DLGAP2: variants seen among roughly 807,000 people sequenced by gnomAD.
DLGAP2 encodes DLG associated protein 2, also known as disks large-associated protein 2.
DLGAP2 carries 26 observed loss-of-function variants against 100.3 expected under a neutral mutation model. The observed-to-expected ratio is 0.26, with a 90% CI of 0.19 to 0.36. The LOEUF is 0.36. Among genes scored for constraint, DLGAP2 ranks in the 10% least tolerant of loss-of-function variants. DLGAP2 has a pLI of 1.00. For missense variants in DLGAP2, 1,858 were observed against 1,453.2 expected, an observed-to-expected ratio of 1.28 and a Z score of -4.53; for synonymous variants, 886 against 630.1, an observed-to-expected ratio of 1.41 and a Z score of -6.08.
At position 1,457,845 on chromosome 8, in the gene DLGAP2, ACTT is replaced by A. The variant is rs1490307318; in HGVS notation, c.107-43520_107-43518del. 2.6e-5 allele frequency among the ~76,000 whole-genome samples: 4 copies of A among 151,548 alleles called. No individual in the cohort carries two copies. The East Asian group carries it at 7.8e-4, about 29-fold the overall frequency. On this transcript the variant is annotated intron_variant, in intron 3 of 14. Coordinates refer to ENST00000637795, the MANE Select transcript of DLGAP2 (RefSeq NM_001346810.2). ...TGTCTGCAGAGTCACGCAACTCACT[ACTT>A]GTCATTTTCTTTGTTAATTCTATTT...
chr8:1,490,049 AC>A (rs1799335755), intron 3 of DLGAP2, among the ~76,000 whole-genome samples: 3 of 150,180 alleles, frequency 2.0e-5, no homozygotes, highest in Non-Finnish European at 4.4e-5. Flanking sequence ...CTGCCACCGC[AC>A]CCGGCTATTT....
chr8:742,756 C>A (rs573909907), intron 1 of DLGAP2, among the ~76,000 whole-genome samples: 60 of 152,198 alleles, frequency 3.9e-4, no homozygotes, highest in African/African-American at 1.3e-3. Context: ...AATCCTCCTG[C>A]CCTGGCCTCC....
At chr8:914,729 C>T (rs907304959) in intron 2 of DLGAP2, among the ~76,000 whole-genome samples, 3 of 152,232 alleles carry the variant, frequency 2.0e-5, no homozygotes, top group African/African-American at 7.2e-5. Context: ...AATGTGGAGA[C>T]ATAAAGAAGT....
At chr8:1,271,870 A>G (rs1799590427) in intron 3 of DLGAP2, among the ~76,000 whole-genome samples, 1 of 152,184 alleles carries the variant, frequency 6.6e-6, no homozygotes, top group Non-Finnish European at 1.5e-5. Flanking sequence ...GCTGGAGTTC[A>G]GTGGTGCAAC....
intron 2 of DLGAP2, among the ~76,000 whole-genome samples, chr8:1,251,767 C>G (rs1799045746): frequency 6.6e-6 from 1 of 152,230 alleles, no homozygotes; most frequent in African/African-American, 2.4e-5. Flanking sequence ...ACGTTGTCAT[C>G]TTGTCCTAGG....
intron 6 of DLGAP2, among the ~76,000 whole-genome samples, chr8:1,617,568 T>C (rs542350620): frequency 2.3e-4 from 35 of 152,304 alleles, no homozygotes; most frequent in African/African-American, 7.9e-4. Flanking sequence ...ACATTGTTTT[T>C]TGCTTGCAAA....
intron 1 of DLGAP2, among the ~76,000 whole-genome samples, chr8:755,803 A>C (rs1820904478): frequency 6.6e-6 from 1 of 152,210 alleles, no homozygotes; most frequent in Non-Finnish European, 1.5e-5. Flanking sequence ...TGAAAGAGCA[A>C]AGTGCTGGGT....
intron 8 of DLGAP2, among the ~76,000 whole-genome samples, chr8:1,665,856 C>T (rs1049373624): frequency 6.6e-6 from 1 of 152,244 alleles, no homozygotes; most frequent in African/African-American, 2.4e-5. Context: ...GCCGCCTACT[C>T]TCCAGGGCTG....
At chr8:743,372 C>G (rs984122232) in intron 1 of DLGAP2, among the ~76,000 whole-genome samples, 1 of 152,154 alleles carries the variant, frequency 6.6e-6, no homozygotes, top group African/African-American at 2.4e-5. Context: ...TAAATTTTCT[C>G]TGGCACTAAC....
chr8:1,345,441 T>G (rs1801533480), intron 3 of DLGAP2, among the ~76,000 whole-genome samples: 1 of 152,252 alleles, frequency 6.6e-6, no homozygotes, highest in Non-Finnish European at 1.5e-5. Context: ...ACTACGTCTA[T>G]GACAAAATAA....
intron 3 of DLGAP2, among the ~76,000 whole-genome samples, chr8:1,428,415 TGAGAGA>T (rs924744043): frequency 6.6e-6 from 1 of 150,610 alleles, no homozygotes; most frequent in Non-Finnish European, 1.5e-5. Context: ...TCTCTTTCCT[TGAGAGA>T]GAGAGAGAGA....
intron 2 of DLGAP2, among the ~76,000 whole-genome samples, chr8:1,238,460 G>C (rs1241650192): frequency 1.6e-5 from 2 of 125,684 alleles, no homozygotes; most frequent in African/African-American, 2.9e-5. Flanking sequence ...GCCGTGTCTA[G>C]TTCTCTCACA....
intron 3 of DLGAP2, among the ~76,000 whole-genome samples, chr8:1,488,823 A>C (rs1375154935): frequency 6.6e-6 from 1 of 152,146 alleles, no homozygotes; most frequent in African/African-American, 2.4e-5. Context: ...ATGTCCAGAG[A>C]TCACCCCAGG....
At chr8:943,411 T>C (rs1005891946) in intron 2 of DLGAP2, among the ~76,000 whole-genome samples, 1 of 152,262 alleles carries the variant, frequency 6.6e-6, no homozygotes, top group African/African-American at 2.4e-5. Context: ...ACGTTTCATA[T>C]GTGCGGCACC....
At chr8:923,189 T>G (rs1339118694) in intron 2 of DLGAP2, among the ~76,000 whole-genome samples, 2 of 152,114 alleles carry the variant, frequency 1.3e-5, no homozygotes, top group African/African-American at 4.8e-5. Flanking sequence ...GTGGTCTGTG[T>G]CAGTCTTGGC....
At chr8:1,060,350 C>T (rs1803041515) in intron 2 of DLGAP2, among the ~76,000 whole-genome samples, 3 of 72,842 alleles carry the variant, frequency 4.1e-5, no homozygotes, top group African/African-American at 7.1e-5. Context: ...CCGCTGAGTG[C>T]TTGTGGATAG....
At chr8:1,306,523 T>C (rs1348772401) in intron 3 of DLGAP2, among the ~76,000 whole-genome samples, 1 of 152,150 alleles carries the variant, frequency 6.6e-6, no homozygotes, top group Non-Finnish European at 1.5e-5. Context: ...GGTGGGTTTT[T>C]GAGAAATAGA....
intron 2 of DLGAP2, among the ~76,000 whole-genome samples, chr8:1,116,080 C>T (rs541629152): frequency 1.9e-4 from 29 of 152,294 alleles, no homozygotes; most frequent in Admixed American, 1.4e-3. Flanking sequence ...TCTTGGAAAG[C>T]TGGGGGTGTG....
intron 1 of DLGAP2, among the ~76,000 whole-genome samples, chr8:800,675 T>C (rs1242750602): frequency 6.6e-6 from 1 of 152,112 alleles, no homozygotes; most frequent in East Asian, 1.9e-4. Context: ...TGTGTGTACA[T>C]GTATGTGTAT....
Sources: allele counts gnomAD v4.1 joint callset (sites outside exome capture counted in the v4.1 genomes callset), GRCh38; gene constraint gnomAD v4.1.1; transcripts MANE v1.5; gene names NCBI Gene and HGNC (gene_info 2026-07-23, HGNC 2026-07-21).